The following NBEA variants were observed in gnomAD, a reference collection of about 807,000 sequenced individuals.
NBEA encodes lysosomal-trafficking regulator 2.
A neutral mutation model predicts 343.4 loss-of-function variants in NBEA; 44 were observed. That is an observed-to-expected ratio of 0.13 (90% CI 0.10 to 0.16). NBEA has a LOEUF of 0.16. Ranked by LOEUF, NBEA falls within the 10% of genes least tolerant of loss-of-function variation. NBEA has a pLI of 1.00. For missense variants in NBEA, 2,555 were observed against 3,631.3 expected, an observed-to-expected ratio of 0.70 and a Z score of 7.62; for synonymous variants, 1,175 against 1,238.7, an observed-to-expected ratio of 0.95 and a Z score of 1.08.
chr13:35,439,184 C>G (rs2045601412), intron 39 of NBEA, among the ~76,000 whole-genome samples: 1 of 152,136 alleles, frequency 6.6e-6, no homozygotes, highest in African/African-American at 2.4e-5. Flanking sequence ...CTACCACATA[C>G]AGGAGAGCTC....
At chr13:35,336,206 AG>A (rs2039247566) in intron 36 of NBEA, among the ~76,000 whole-genome samples, 1 of 152,148 alleles carries the variant, frequency 6.6e-6, no homozygotes, top group African/African-American at 2.4e-5. Flanking sequence ...AACAAATCCT[AG>A]GGAAGAGAGA....
intron 41 of NBEA, among the ~76,000 whole-genome samples, chr13:35,543,491 A>AG (rs2078925944): frequency 6.6e-6 from 1 of 152,158 alleles, no homozygotes; most frequent in Admixed American, 6.5e-5. Context: ...CCTCTTTGAA[A>AG]GTAAAGAATT....
At chr13:35,223,041 GAATCACTTAGA>G (rs2074457544) in intron 33 of NBEA, among the ~76,000 whole-genome samples, 1 of 152,170 alleles carries the variant, frequency 6.6e-6, no homozygotes, top group African/African-American at 2.4e-5. Flanking sequence ...TGAGGCAGGA[GAATCACTTAGA>G]ACCCGGGAGG....
chr13:35,078,210 C>T (rs1041901208), intron 10 of NBEA, among the ~76,000 whole-genome samples: 1 of 152,164 alleles, frequency 6.6e-6, no homozygotes, highest in African/African-American at 2.4e-5. Context: ...TTGGCCAATA[C>T]CCTGTTTAAC....
At chr13:35,321,816 G>C (rs2038165561) in intron 36 of NBEA, among the ~76,000 whole-genome samples, 1 of 152,194 alleles carries the variant, frequency 6.6e-6, no homozygotes, top group South Asian at 2.1e-4. Context: ...AATCTAGAGA[G>C]GCAGTCTGGC....
At chr13:35,024,621 A>G (rs1431395928) in intron 1 of NBEA, among the ~76,000 whole-genome samples, 1 of 152,142 alleles carries the variant, frequency 6.6e-6, no homozygotes, top group African/African-American at 2.4e-5. Context: ...CGGAGTTTGC[A>G]GTGAGCTGAG....
chr13:35,671,063 G>C lies in NBEA; in HGVS notation c.*72G>C, dbSNP rs2085596738. 1 of 1,175,962 alleles carries C rather than the reference G, an allele frequency of 8.5e-7. No individual in the cohort carries two copies. Among genetic ancestry groups the C allele is most frequent in the Non-Finnish European group, 1.2e-6 (1 of 818,246 alleles). The allele number at this position is 1,175,962 out of a possible 1,614,324, so 72.8% of individuals were successfully genotyped here. On this transcript the variant is annotated 3_prime_UTR_variant, in exon 59 of 59. Transcript: ENST00000379939. ...GCTGCATGGAAAGGCAATATCTCTG[G>C]TGGAAAAAACTCGTCTACATCGACC...
At chr13:35,488,881 A>T (rs1006174260) in intron 41 of NBEA, among the ~76,000 whole-genome samples, 2 of 151,878 alleles carry the variant, frequency 1.3e-5, no homozygotes, top group Non-Finnish European at 2.9e-5. Context: ...ATTGTTGGAA[A>T]AAACGTATTC....
intron 17 of NBEA, among the ~76,000 whole-genome samples, chr13:35,129,585 C>T (rs2067303890): frequency 6.6e-6 from 1 of 151,816 alleles, no homozygotes; most frequent in African/African-American, 2.4e-5. Flanking sequence ...TAGAAATCAA[C>T]ACCAATAAGC....
intron 1 of NBEA, among the ~76,000 whole-genome samples, chr13:34,995,510 A>G (rs1009710156): frequency 6.6e-6 from 1 of 152,184 alleles, no homozygotes; most frequent in Non-Finnish European, 1.5e-5. Context: ...CAAAAAACCC[A>G]ATAACAATGA....
chr13:35,214,064 TTTTG>T (rs2152755481), intron 33 of NBEA, among the ~76,000 whole-genome samples: 1 of 152,132 alleles, frequency 6.6e-6, no homozygotes, highest in South Asian at 2.1e-4. Context: ...ATCGATATCT[TTTTG>T]TTTATGAGTA....
chr13:35,078,490 T>C (rs2064219554), intron 10 of NBEA, among the ~76,000 whole-genome samples: 1 of 152,188 alleles, frequency 6.6e-6, no homozygotes, highest in Non-Finnish European at 1.5e-5. Flanking sequence ...ATTGCTCTTG[T>C]AGCTTCTGGT....
At chr13:35,647,276 C>A (rs1175143545) in intron 51 of NBEA, among the ~76,000 whole-genome samples, 4 of 151,964 alleles carry the variant, frequency 2.6e-5, no homozygotes, top group Admixed American at 6.5e-5. Flanking sequence ...GTAAACAATT[C>A]TTGAAGGTAA....
intron 18 of NBEA, among the ~76,000 whole-genome samples, chr13:35,150,703 AT>A (rs2068720083): frequency 6.6e-6 from 1 of 152,138 alleles, no homozygotes; most frequent in African/African-American, 2.4e-5. Context: ...TCAGCAATGC[AT>A]CAGAATAAAT....
At chr13:35,537,439 A>C (rs765770716) in intron 41 of NBEA, among the ~76,000 whole-genome samples, 2 of 151,996 alleles carry the variant, frequency 1.3e-5, no homozygotes, top group Non-Finnish European at 2.9e-5. Flanking sequence ...GCATTGTGCT[A>C]AGTAATAGAG....
At position 35,368,469 on chromosome 13, in the gene NBEA, C is replaced by T. The variant is rs185356174; in HGVS notation, c.6179+16146C>T. On this transcript the variant is annotated intron_variant, in intron 38 of 58. Coordinates refer to ENST00000379939, the MANE Select transcript of NBEA (RefSeq NM_001385012.1). ...ACTTTTCATTGTTTGAATTTCTTCT[C>T]TATCTCTATTCTGTCCCACTTGAGA... 5.7e-3 allele frequency among the ~76,000 whole-genome samples: 870 copies of T among 151,744 alleles called. 10 individuals carry two copies. Among genetic ancestry groups the T allele is most frequent in the African/African-American group, 0.02 (828 of 41,518 alleles).
chr13:34,990,241 G>C (rs1186257272), intron 1 of NBEA, among the ~76,000 whole-genome samples: 1 of 151,056 alleles, frequency 6.6e-6, no homozygotes, highest in East Asian at 1.9e-4. Flanking sequence ...GACTCTTTGT[G>C]GGGGCTGTAA....
At chr13:35,030,903 C>T (rs888602402) in intron 1 of NBEA, among the ~76,000 whole-genome samples, 10 of 151,692 alleles carry the variant, frequency 6.6e-5, no homozygotes, top group African/African-American at 2.4e-4. Flanking sequence ...ATAACAGAGC[C>T]TGATTGTTAG....
intron 40 of NBEA, among the ~76,000 whole-genome samples, chr13:35,463,547 A>G (rs975747045): frequency 2.0e-5 from 3 of 152,024 alleles, no homozygotes; most frequent in Admixed American, 6.6e-5. Context: ...ATCCCTTGAG[A>G]CTGGGAGGCA....
Sources: allele counts gnomAD v4.1 joint callset (sites outside exome capture counted in the v4.1 genomes callset), GRCh38; gene constraint gnomAD v4.1.1; transcripts MANE v1.5; gene names NCBI Gene and HGNC (gene_info 2026-07-23, HGNC 2026-07-21).